RFC3: variants seen among roughly 807,000 people sequenced by gnomAD.
RFC3 encodes replication factor C subunit 3.
In RFC3, 41 loss-of-function variants were observed where a neutral mutation model predicts 45.1. That is an observed-to-expected ratio of 0.91 (90% CI 0.71 to 1.18). The LOEUF (loss-of-function observed/expected upper bound fraction) is 1.18. Ranked by LOEUF, RFC3 falls within the 50% of genes most tolerant of loss-of-function variation. RFC3 has a pLI of 0.00. For synonymous variants in RFC3, 149 were observed against 144.0 expected (o/e 1.03, Z -0.25); for missense variants, 423 against 428.1 (o/e 0.99, Z 0.10).
intron 8 of RFC3, among the ~76,000 whole-genome samples, chr13:33,892,043 CCAAA>C (rs1353004857): frequency 2.0e-5 from 3 of 152,020 alleles, no homozygotes; most frequent in African/African-American, 7.2e-5. Context: ...ACCAAAATAA[CCAAA>C]CAATTTGGTC....
At chr13:33,899,103 C>T (rs2082620605) in intron 8 of RFC3, among the ~76,000 whole-genome samples, 1 of 145,800 alleles carries the variant, frequency 6.9e-6, no homozygotes, top group South Asian at 2.2e-4. Context: ...CAATTCTACT[C>T]AAACTAAACT....
rs1418430671 is a variant in RFC3 at position 33,836,230 on chromosome 13, G to C, written c.1006G>C (p.Val336Leu). 6.2e-7 allele frequency: 1 copy of C among 1,613,390 alleles called. No individual in the cohort carries two copies. Among genetic ancestry groups the C allele is most frequent in the Non-Finnish European group, 8.5e-7 (1 of 1,179,576 alleles). Residue 336 changes from valine to leucine, a missense_variant, in exon 9 of 9, where the codon GTG becomes CTG. By Grantham distance (32) the Val-to-Leu change is conservative. Transcript: ENST00000380071. Reference sequence around the variant, plus strand: ...AGCCATTTATCACTTGGAAGCGTTTGTGGCCAAATTCATGGCACTTTATAA... The same window carrying C: ...AGCCATTTATCACTTGGAAGCGTTTCTGGCCAAATTCATGGCACTTTATAA... ...SKAIYHLEAF[V>L]AKFMALYKKF...
chr13:33,865,913 G>A (rs2082370500), intron 8 of RFC3, among the ~76,000 whole-genome samples: 1 of 152,222 alleles, frequency 6.6e-6, no homozygotes, highest in African/African-American at 2.4e-5. Context: ...CAAAAAATTA[G>A]CTGGGCGTGG....
intron 8 of RFC3, among the ~76,000 whole-genome samples, chr13:33,844,930 G>T (rs1030174777): frequency 6.6e-6 from 1 of 152,168 alleles, no homozygotes. Flanking sequence ...CTTTCAGAGC[G>T]AAGAAATCCC....
chr13:33,929,025 AT>A (rs371277056), intron 8 of RFC3, among the ~76,000 whole-genome samples: 3 of 152,212 alleles, frequency 2.0e-5, no homozygotes, highest in African/African-American at 7.2e-5. Flanking sequence ...TGGACAAATA[AT>A]TTTTTTCTTT....
chr13:33,905,336 T>C (rs2082665634), intron 8 of RFC3, among the ~76,000 whole-genome samples: 1 of 152,132 alleles, frequency 6.6e-6, no homozygotes. Flanking sequence ...AGGATAGGCC[T>C]ACAATCACAG....
Position 33,928,839 on chromosome 13 carries a change from G to GA in RFC3, c.880-37248_880-37247insA, listed in dbSNP as rs554640278. On this transcript the variant is annotated intron_variant, in intron 8 of 8. Transcript: ENST00000434425. ...GAATGAAGAGAACCAATGTCTGGGG[G>GA]GGGAAGTGAAAACTATCTGAAATGG... Among the ~76,000 whole-genome samples, 734 of 151,630 alleles carry GA rather than the reference G, an allele frequency of 4.8e-3. 6 individuals are homozygous for GA. The highest frequency in any genetic ancestry group is 0.017 in the African/African-American group (711 of 41,040).
At chr13:33,922,045 G>A (rs1375128644) in intron 8 of RFC3, among the ~76,000 whole-genome samples, 3 of 152,018 alleles carry the variant, frequency 2.0e-5, no homozygotes, top group Non-Finnish European at 4.4e-5. Context: ...GCTGCTGGAA[G>A]ATGGAGTGAA....
At chr13:33,827,361 TC>T (rs2082059750) in intron 4 of RFC3, among the ~76,000 whole-genome samples, 2 of 152,330 alleles carry the variant, frequency 1.3e-5, no homozygotes, top group Admixed American at 6.5e-5. Context: ...TTTGCTGTTT[TC>T]TGCCTACCAA....
chr13:33,925,046 CATAT>C (rs148300892), intron 8 of RFC3, among the ~76,000 whole-genome samples: 1 of 148,220 alleles, frequency 6.7e-6, no homozygotes, highest in African/African-American at 2.5e-5. Flanking sequence ...ATATAGTGTA[CATAT>C]ATATATACAC....
intron 1 of RFC3, among the ~76,000 whole-genome samples, chr13:33,820,261 A>G (rs1317579796): frequency 6.6e-6 from 1 of 152,184 alleles, no homozygotes; most frequent in Non-Finnish European, 1.5e-5. Flanking sequence ...TTTTAAGTGC[A>G]CACAGACTGA....
At chr13:33,882,631 C>T (rs1301010310) in intron 8 of RFC3, among the ~76,000 whole-genome samples, 6 of 152,208 alleles carry the variant, frequency 3.9e-5, no homozygotes, top group South Asian at 4.1e-4. Context: ...TCCTAGATCT[C>T]GAACTTCCCA....
At chr13:33,939,320 T>C (rs2082909121) in intron 8 of RFC3, among the ~76,000 whole-genome samples, 1 of 152,144 alleles carries the variant, frequency 6.6e-6, no homozygotes, top group Non-Finnish European at 1.5e-5. Context: ...TTTCAGGCCC[T>C]TCCACCACCC....
At chr13:33,881,062 A>G (rs557250252) in intron 8 of RFC3, among the ~76,000 whole-genome samples, 1 of 152,306 alleles carries the variant, frequency 6.6e-6, no homozygotes, top group African/African-American at 2.4e-5. Flanking sequence ...TCTCAAAAAC[A>G]AACAAACAAA....
At chr13:33,889,961 G>A (rs917199129) in intron 8 of RFC3, among the ~76,000 whole-genome samples, 1 of 152,184 alleles carries the variant, frequency 6.6e-6, no homozygotes, top group South Asian at 2.1e-4. Flanking sequence ...CTATGGATTA[G>A]ATTCTTTTTC....
chr13:33,893,089 T>G (rs1000298653), intron 8 of RFC3, among the ~76,000 whole-genome samples: 1 of 151,734 alleles, frequency 6.6e-6, no homozygotes, highest in African/African-American at 2.4e-5. Context: ...GGGAAGGAGG[T>G]GGAACTACCA....
chr13:33,962,968 ACTACT>A (rs1157221152), intron 8 of RFC3, among the ~76,000 whole-genome samples: 4 of 152,270 alleles, frequency 2.6e-5, no homozygotes, highest in South Asian at 2.1e-4. Context: ...TTGTCAAATG[ACTACT>A]CTAGTCCTAC....
Position 33,896,686 on chromosome 13 carries a change from T to C in RFC3, c.879+61469T>C, listed in dbSNP as rs373222873. Among the ~76,000 whole-genome samples the C allele has an allele frequency of 2.7e-5, 3 of 112,744 alleles. No homozygotes were observed. The East Asian group carries it at 9.1e-4, about 34-fold the overall frequency. The allele number at this position is 112,744 out of a possible 152,430, so 74.0% of individuals were successfully genotyped here. A position where few individuals can be genotyped will look rare whatever the true frequency, so the allele number is the denominator to read the frequency against. ...GAGATTGCACTGCTGCACTCCAGCC[T>C]GGGCAACAGAGTAAGACTTTGTCTC... On this transcript the variant is annotated intron_variant, in intron 8 of 8. Transcript: ENST00000434425.
the RFC3 span, among the ~76,000 whole-genome samples, chr13:33,973,753 C>T: frequency 4.0e-5 from 6 of 151,576 alleles, no homozygotes; most frequent in Admixed American, 3.9e-4. Flanking sequence ...TTAGTTCAAC[C>T]GATTCTCCTG....
Sources: gnomAD v4.1 joint callset for allele counts (sites outside exome capture counted in the v4.1 genomes callset) on GRCh38, gnomAD v4.1.1 for gene constraint, MANE v1.5 for transcripts, NCBI Gene and HGNC (gene_info 2026-07-23, HGNC 2026-07-21) for gene names.